CEP290: variants seen among roughly 807,000 people sequenced by gnomAD.
CEP290 encodes centrosomal protein of 290 kDa.
Under a neutral mutation model 344.9 loss-of-function variants are expected in CEP290, and 317 were observed. The ratio of observed to expected loss-of-function variants is 0.92; its 90% CI spans 0.84 to 1.01. The LOEUF is 1.01. Among genes scored for constraint, CEP290 ranks in the 50% least tolerant of loss-of-function variants. The pLI is 0.00. For synonymous variants in CEP290, 932 were observed against 895.8 expected, an observed-to-expected ratio of 1.04 and a Z score of -0.72; for missense variants, 2,754 against 2,761.4, an observed-to-expected ratio of 1.00 and a Z score of 0.06.
Position 88,141,308 on chromosome 12 carries a change from C to A in CEP290, c.-1G>T. ...CTTTCCAGTTTATATTAGGTGGCAT[C>A]TTGAATTCTTTCACTGTGCTCCACC... On this transcript the variant is annotated 5_prime_UTR_variant, in exon 2 of 54. Coordinates refer to ENST00000552810, the MANE Select transcript of CEP290 (RefSeq NM_025114.4). 2 of 1,604,904 alleles carry A rather than the reference C, an allele frequency of 1.2e-6. No homozygotes were observed. Among genetic ancestry groups the A allele is most frequent in the Non-Finnish European group, 1.7e-6 (2 of 1,173,686 alleles).
chr12:88,127,303 C>T (rs1478154674), intron 11 of CEP290, among the ~76,000 whole-genome samples: 1 of 152,148 alleles, frequency 6.6e-6, no homozygotes, highest in Non-Finnish European at 1.5e-5. Flanking sequence ...GCCTGGCCAA[C>T]ACAGTGTGAC....
At position 88,085,999 on chromosome 12, in the gene CEP290, C is replaced by A. The variant is rs1280437846; in HGVS notation, c.4437+40G>T. ...TATTTAGAAAGCCCCCCAAACATAC[C>A]AAATAATACACTAATCAAAATGCAA... On this transcript the variant is annotated intron_variant, in intron 34 of 53. Transcript: ENST00000552810. 82 of 1,557,458 alleles carry A rather than the reference C, an allele frequency of 5.3e-5. 1 individual carries two copies. In the Admixed American group the frequency reaches 1.6e-3, roughly 29 times the overall value.
rs188339458 is a variant in CEP290 at position 88,054,550 on chromosome 12, T to C, written c.6961-137A>G. 13 of 647,716 alleles carry C rather than the reference T, an allele frequency of 2.0e-5. No homozygotes were observed. In the African/African-American group the frequency reaches 2.4e-4, roughly 12 times the overall value. The allele number at this position is 647,716 out of a possible 1,614,324, so 40.1% of individuals were successfully genotyped here. On this transcript the variant is annotated intron_variant, in intron 50 of 53. Transcript: ENST00000552810. ...CGCATAGGCAAATTTCTATGTTCTATTCACCATTCATTCAACAAGTATTGA... is the reference window on the plus strand; with the variant it reads ...CGCATAGGCAAATTTCTATGTTCTACTCACCATTCATTCAACAAGTATTGA...
intron 34 of CEP290, 36 bp from the exon 35 acceptor site, chr12:88,084,888 T>C: frequency 7.0e-7 from 1 of 1,420,598 alleles, no homozygotes; most frequent in Non-Finnish European, 9.3e-7. Context: ...CATTAAAGTA[T>C]CTTTTTCCCT....
chr12:88,126,458 A>G lies in CEP290; in HGVS notation c.943-20T>C. The stretch of plus-strand genomic sequence containing the variant: ...AATTAGCTAGAAATAAACACAATAG[A>G]ATCTGTTATGCAAAAGGAAAGTTAA... On this transcript the variant is annotated intron_variant, in intron 11 of 53. Transcript: ENST00000552810. 1 of 1,450,966 alleles carries G rather than the reference A, an allele frequency of 6.9e-7. No individual in the cohort carries two copies. 89.9% of individuals were successfully genotyped at this position (1,450,966 alleles called of 1,614,324 possible).
At position 88,109,894 on chromosome 12, in the gene CEP290, G is replaced by A. The variant is rs74316419; in HGVS notation, c.2368-713C>T. The stretch of plus-strand genomic sequence containing the variant: ...CAATGCCATACTACCAATATTTGCT[G>A]ATAGTGTTCCTATACCTCAGGTAAA... On this transcript the variant is annotated intron_variant, in intron 22 of 53. Coordinates refer to ENST00000552810, the MANE Select transcript of CEP290 (RefSeq NM_025114.4). Among the ~76,000 whole-genome samples the A allele has an allele frequency of 7.5e-3, 1,147 of 152,164 alleles. 19 individuals carry two copies. The highest frequency in any genetic ancestry group is 0.027 in the African/African-American group (1,101 of 41,542).
At position 88,114,377 on chromosome 12, in the gene CEP290, A is replaced by G. The variant is rs556483463; in HGVS notation, c.2052+43T>C. On this transcript the variant is annotated intron_variant, in intron 20 of 53. Transcript: ENST00000552810. ...TCTGTACACAGCAGAAAATCTCTCT[A>G]AAGTGATAGGGGAAAAACATTAACA... is the stretch of plus-strand genomic sequence containing the variant. 118 of 1,477,826 alleles carry G rather than the reference A, an allele frequency of 8.0e-5. 1 individual carries two copies. Among genetic ancestry groups the G allele is most frequent in the South Asian group, 6.1e-4 (47 of 76,462 alleles). 91.5% of individuals were successfully genotyped at this position (1,477,826 alleles called of 1,614,324 possible).
At chr12:88,062,825 C>T (rs2034583281) in intron 45 of CEP290, 47 bp from the exon 46 acceptor site, 1 of 1,248,038 alleles carries the variant, frequency 8.0e-7, no homozygotes, top group African/African-American at 1.5e-5. Context: ...TAGCTACAGC[C>T]ATTGAAAAGA....
chr12:88,073,284 C>T (rs892288178), intron 41 of CEP290, among the ~76,000 whole-genome samples: 1 of 152,128 alleles, frequency 6.6e-6, no homozygotes, highest in Non-Finnish European at 1.5e-5. Context: ...TTTTGGAAAT[C>T]AAATTACAAA....
intron 11 of CEP290, among the ~76,000 whole-genome samples, chr12:88,127,061 T>A (rs1218005858): frequency 2.1e-4 from 1 of 4,702 alleles, no homozygotes; most frequent in South Asian, 0.01. Flanking sequence ...AAAACAAGTA[T>A]ACACTGCTAG....
rs147090424 is a variant in CEP290, at chr12:88,069,266, T to C, written c.6012-621A>G. Among the ~76,000 whole-genome samples, 3 of 152,256 alleles carry C rather than the reference T, an allele frequency of 2.0e-5. No individual in the cohort carries two copies. In the East Asian group the frequency reaches 5.8e-4, roughly 29 times the overall value. On this transcript the variant is annotated intron_variant, in intron 43 of 53. Transcript: ENST00000552810. Reference sequence around the variant, plus strand: ...TCTCCTCTTTGATATGCCCCTCCTCTTTAATATCTAGATGATTCATAAAAT... The same window carrying C: ...TCTCCTCTTTGATATGCCCCTCCTCCTTAATATCTAGATGATTCATAAAAT...
chr12:88,071,087 C>T (rs1199802903), intron 43 of CEP290, among the ~76,000 whole-genome samples: 1 of 152,102 alleles, frequency 6.6e-6, no homozygotes, highest in Non-Finnish European at 1.5e-5. Flanking sequence ...AGAATTTAAA[C>T]AAGAACCAGA....
At chr12:88,053,803 T>A in intron 51 of CEP290, 57 bp from the exon 52 acceptor site, 1 of 865,128 alleles carries the variant, frequency 1.2e-6, no homozygotes, top group Non-Finnish European at 1.8e-6. Flanking sequence ...TCATAAAATA[T>A]ATGGGCATTT....
At position 88,128,942 on chromosome 12, in the gene CEP290, A is replaced by G. The variant is rs2039896774; in HGVS notation, c.942+4T>C. ...AAGTTATTATGTCAATTGAAAAAAA[A>G]TACCTTCCATTCTTCTACTTTTGCA... On this transcript the variant is annotated splice_donor_region_variant and intron_variant, in intron 11 of 53. Coordinates refer to ENST00000552810, the MANE Select transcript of CEP290 (RefSeq NM_025114.4). 1.3e-6 allele frequency: 2 copies of G among 1,494,556 alleles called. No individual in the cohort carries two copies. The allele number at this position is 1,494,556 out of a possible 1,614,324, so 92.6% of individuals were successfully genotyped here. A position where few individuals can be genotyped will look rare whatever the true frequency, so the allele number is the denominator to read the frequency against.
chr12:88,055,451 G>A (rs2033919245), intron 50 of CEP290, 125 bp downstream of exon 50: 1 of 718,520 alleles, frequency 1.4e-6, no homozygotes, highest in Admixed American at 4.2e-5. Flanking sequence ...ATGGGTGAAT[G>A]GGGTGCCCTT....
chr12:88,101,999 G>C (rs1479121845), intron 26 of CEP290, among the ~76,000 whole-genome samples: 1 of 152,120 alleles, frequency 6.6e-6, no homozygotes, highest in Admixed American at 6.6e-5. Context: ...TTCATTTACT[G>C]AATGTGTCTC....
chr12:88,120,101 A>T lies in CEP290; in HGVS notation c.1522+13T>A. The T allele has an allele frequency of 6.8e-7, 1 of 1,472,104 alleles. No homozygotes were observed. The highest frequency in any genetic ancestry group is 1.6e-5 in the South Asian group (1 of 64,224). The allele number at this position is 1,472,104 out of a possible 1,614,324, so 91.2% of individuals were successfully genotyped here. A position where few individuals can be genotyped will look rare whatever the true frequency, so the allele number is the denominator to read the frequency against. Reference sequence around the variant, plus strand: ...CAGGTTGCGCAAACTATGTAACTTAAAACATGGCTTACCCACACGCTCTCT... The same window carrying T: ...CAGGTTGCGCAAACTATGTAACTTATAACATGGCTTACCCACACGCTCTCT... On this transcript the variant is annotated intron_variant, in intron 15 of 53. Coordinates refer to ENST00000552810, the MANE Select transcript of CEP290 (RefSeq NM_025114.4).
chr12:88,087,863 C>A lies in CEP290; in HGVS notation c.4111G>T (p.Glu1371Ter). 8.0e-7 allele frequency: 1 copy of A among 1,247,844 alleles called. No homozygotes were observed. Among genetic ancestry groups the A allele is most frequent in the African/African-American group, 1.6e-5 (1 of 63,716 alleles). 77.3% of individuals were successfully genotyped at this position (1,247,844 alleles called of 1,614,324 possible). ...ATTATGTTATTCAAATATTTTATTTCTTCTTTATCCTTGACTAATTCCCGA... is the reference window on the plus strand; with the variant it reads ...ATTATGTTATTCAAATATTTTATTTATTCTTTATCCTTGACTAATTCCCGA... The part of the protein sequence containing the change: ...LNRELVKDKE[E>*]IKYLNNIISE... The change falls in exon 32 of 54, where the codon GAA becomes TAA. Residue 1371 changes from glutamate (E) to a stop codon, truncating the protein, a stop_gained. Coordinates refer to ENST00000552810, the MANE Select transcript of CEP290 (RefSeq NM_025114.4). LOFTEE classifies it high-confidence loss of function.
chr12:88,126,446 TA>T lies in CEP290; in HGVS notation c.943-9del. Reference sequence around the variant, plus strand: ...TTTAGAAGACAAAATTAGCTAGAAATAAACACAATAGAATCTGTTATGCAAA... The same window carrying T: ...TTTAGAAGACAAAATTAGCTAGAAATAACACAATAGAATCTGTTATGCAAA... On this transcript the variant is annotated splice_polypyrimidine_tract_variant and intron_variant, in intron 11 of 53. Transcript: ENST00000552810. 2.0e-6 allele frequency: 3 copies of T among 1,476,746 alleles called. No individual in the cohort carries two copies. The highest frequency in any genetic ancestry group is 2.7e-6 in the Non-Finnish European group (3 of 1,107,462). 91.5% of individuals were successfully genotyped at this position (1,476,746 alleles called of 1,614,324 possible). A position where few individuals can be genotyped will look rare whatever the true frequency, so the allele number is the denominator to read the frequency against.
Sources: allele counts gnomAD v4.1 joint callset (sites outside exome capture counted in the v4.1 genomes callset), GRCh38; gene constraint gnomAD v4.1.1; transcripts MANE v1.5; gene names NCBI Gene and HGNC (gene_info 2026-07-23, HGNC 2026-07-21).